Variants in DHRSX observed in about 807,000 individuals in gnomAD.
DHRSX encodes polyprenol dehydrogenase.
DHRSX carries 31 observed loss-of-function variants against 34.0 expected under a neutral mutation model. That is an observed-to-expected ratio of 0.91 (90% CI 0.69 to 1.23). The LOEUF (loss-of-function observed/expected upper bound fraction) is 1.23. Ranked by LOEUF, DHRSX falls within the 50% of genes most tolerant of loss-of-function variation. DHRSX has a pLI of 0.00. For missense variants in DHRSX, 414 were observed against 428.1 expected, an observed-to-expected ratio of 0.97 and a Z score of 0.29; for synonymous variants, 201 against 183.8, an observed-to-expected ratio of 1.09 and a Z score of -0.76.
Position 2,304,159 on chromosome X carries a change from G to GAACT in DHRSX, c.287-12557_287-12556insAGTT, listed in dbSNP as rs1158962879. Among the ~76,000 whole-genome samples, 23 of 147,344 alleles carry GAACT rather than the reference G, an allele frequency of 1.6e-4. 1 individual carries two copies. Among genetic ancestry groups the GAACT allele is most frequent in the African/African-American group, 5.8e-4 (23 of 39,634 alleles). ...TGGATGAATGGATGGATGGATGGAT[G>GAACT]GATGGATGAACTGATGGATGGATGG... On this transcript the variant is annotated intron_variant, in intron 3 of 6. Coordinates refer to ENST00000334651, the MANE Select transcript of DHRSX (RefSeq NM_145177.3).
At chrX:2,253,180 A>T (rs1164667327) in intron 5 of DHRSX, among the ~76,000 whole-genome samples, 3 of 152,000 alleles carry the variant, frequency 2.0e-5, no homozygotes. Context: ...TATGGCAGTG[A>T]GCCAAGATGG....
chrX:2,445,346 C>T (rs1335533000), intron 1 of DHRSX, among the ~76,000 whole-genome samples: 1 of 152,100 alleles, frequency 6.6e-6, no homozygotes, highest in East Asian at 1.9e-4. Flanking sequence ...AAGCCCACGT[C>T]CTATGTGTAT....
intron 3 of DHRSX, among the ~76,000 whole-genome samples, chrX:2,292,626 T>C (rs995582484): frequency 3.3e-5 from 5 of 151,800 alleles, no homozygotes; most frequent in Non-Finnish European, 4.4e-5. Flanking sequence ...AATTTATGCA[T>C]CCCCTGCTAC....
chrX:2,466,750 C>T (rs1009705927), intron 1 of DHRSX, among the ~76,000 whole-genome samples: 4 of 151,978 alleles, frequency 2.6e-5, no homozygotes, highest in South Asian at 4.2e-4. Flanking sequence ...AATTTACCTG[C>T]GCACGTCCCC....
intron 5 of DHRSX, among the ~76,000 whole-genome samples, chrX:2,263,591 A>G (rs998987372): frequency 6.9e-6 from 1 of 143,986 alleles, no homozygotes; most frequent in Non-Finnish European, 1.5e-5. Context: ...TTGGCTCACC[A>G]CAACCTCCGC....
Position 2,252,666 on chromosome X carries a change from T to G in DHRSX, c.597-9436A>C. Among the ~76,000 whole-genome samples the G allele has an allele frequency of 1.3e-5, 2 of 152,276 alleles. 1 individual carries two copies. Among genetic ancestry groups the G allele is most frequent in the South Asian group, 4.1e-4 (2 of 4,826 alleles). On this transcript the variant is annotated intron_variant, in intron 5 of 6. Transcript: ENST00000334651. ...AGCGTGGAGAAGAGAGAACTAAGAT[T>G]GTTTAAAAATACGGTGTGGGGGCAG...
intron 3 of DHRSX, among the ~76,000 whole-genome samples, chrX:2,366,956 G>A (rs1156737691): frequency 6.6e-6 from 1 of 152,042 alleles, no homozygotes; most frequent in East Asian, 1.9e-4. Flanking sequence ...CCCCTGGAAA[G>A]CTGACTCTGA....
intron 1 of DHRSX, among the ~76,000 whole-genome samples, chrX:2,496,875 TAAAA>T (rs1244441210): frequency 6.7e-6 from 1 of 148,728 alleles, no homozygotes; most frequent in Non-Finnish European, 1.5e-5. Flanking sequence ...TAAATTATTC[TAAAA>T]ATATATATAT....
rs867890976 is a variant in DHRSX at position 2,303,861 on chromosome X, G to A, written c.287-12258C>T. Among the ~76,000 whole-genome samples the A allele has an allele frequency of 8.2e-4, 89 of 108,304 alleles. 1 individual carries two copies. Among genetic ancestry groups the A allele is most frequent in the African/African-American group, 2.7e-3 (71 of 26,028 alleles). The allele number at this position is 108,304 out of a possible 152,430, so 71.1% of individuals were successfully genotyped here. A position where few individuals can be genotyped will look rare whatever the true frequency, so the allele number is the denominator to read the frequency against. Reference sequence around the variant, plus strand: ...GATGGATGGATGGATGGGTGGATGGGTGGATGGGTGGATGGGTGGATGGAT... The same window carrying A: ...GATGGATGGATGGATGGGTGGATGGATGGATGGGTGGATGGGTGGATGGAT... On this transcript the variant is annotated intron_variant, in intron 3 of 6. Coordinates refer to ENST00000334651, the MANE Select transcript of DHRSX (RefSeq NM_145177.3).
intron 6 of DHRSX, among the ~76,000 whole-genome samples, chrX:2,242,468 G>C (rs2016163206): frequency 6.6e-6 from 1 of 152,108 alleles, no homozygotes. Flanking sequence ...TCTTGAATAG[G>C]GGCTGGGTAA....
chrX:2,371,487 C>T (rs2043066526), intron 3 of DHRSX, among the ~76,000 whole-genome samples: 1 of 141,900 alleles, frequency 7.0e-6, no homozygotes, highest in Non-Finnish European at 1.6e-5. Flanking sequence ...CCTCCTCCTC[C>T]CGTTACCGTA....
chrX:2,361,343 G>C (rs2042932114), intron 3 of DHRSX, among the ~76,000 whole-genome samples: 1 of 152,074 alleles, frequency 6.6e-6, no homozygotes, highest in Admixed American at 6.6e-5. Flanking sequence ...CTGACTTCGT[G>C]ATACACCTGC....
chrX:2,407,244 G>A (rs1289599712), intron 3 of DHRSX, among the ~76,000 whole-genome samples: 8 of 152,304 alleles, frequency 5.3e-5, no homozygotes, highest in South Asian at 2.1e-4. Context: ...AGCGACGGAT[G>A]AACAAATGCA....
intron 3 of DHRSX, among the ~76,000 whole-genome samples, chrX:2,389,426 G>A (rs1281570880): frequency 6.6e-6 from 1 of 152,124 alleles, no homozygotes. Flanking sequence ...CTGGGAGGGG[G>A]TGGGTAGGTA....
chrX:2,389,540 G>A (rs1009843285), intron 3 of DHRSX, among the ~76,000 whole-genome samples: 1 of 152,106 alleles, frequency 6.6e-6, no homozygotes, highest in African/African-American at 2.4e-5. Context: ...TGGCGTGCTG[G>A]ACACGTGTGT....
Position 2,411,554 on chromosome X carries a change from CAAAAAAAAAAA to C in DHRSX, c.218-2752_218-2742del, listed in dbSNP as rs774788900. ...TGGGCGACAGAGCCCAACTCTGTCC[CAAAAAAAAAAA>C]AAAAAAAAAAAGTTAGCCAGACATG... On this transcript the variant is annotated intron_variant, in intron 2 of 6. Coordinates refer to ENST00000334651, the MANE Select transcript of DHRSX (RefSeq NM_145177.3). 9.0e-5 allele frequency among the ~76,000 whole-genome samples: 5 copies of C among 55,536 alleles called. No homozygotes were observed. The East Asian group carries it at 2.5e-3, about 28-fold the overall frequency. 36.4% of individuals were successfully genotyped at this position (55,536 alleles called of 152,430 possible). A position where few individuals can be genotyped will look rare whatever the true frequency, so the allele number is the denominator to read the frequency against.
chrX:2,333,240 A>T (rs2042504446), intron 3 of DHRSX, among the ~76,000 whole-genome samples: 1 of 152,182 alleles, frequency 6.6e-6, no homozygotes, highest in Non-Finnish European at 1.5e-5. Context: ...TTTTTGAGTC[A>T]TCATAACACA....
chrX:2,315,210 T>C (rs2042228048), intron 3 of DHRSX, among the ~76,000 whole-genome samples: 1 of 151,376 alleles, frequency 6.6e-6, no homozygotes, highest in East Asian at 1.9e-4. Flanking sequence ...CTGAGTCTCC[T>C]GGCTTGGTGC....
At chrX:2,346,788 A>C (rs35819409) in intron 3 of DHRSX, among the ~76,000 whole-genome samples, 31,906 of 151,618 alleles carry the variant, frequency 0.21, 3,514 homozygotes, top group African/African-American at 0.24. Flanking sequence ...TCCTAATGCT[A>C]TCCCTCCCCC....
Sources: gnomAD v4.1 joint callset for allele counts (sites outside exome capture counted in the v4.1 genomes callset) on GRCh38, gnomAD v4.1.1 for gene constraint, MANE v1.5 for transcripts, NCBI Gene and HGNC (gene_info 2026-07-23, HGNC 2026-07-21) for gene names.